The following CNTNAP5 variants were observed in gnomAD, a reference collection of about 807,000 sequenced individuals.
CNTNAP5 encodes the protein contactin associated protein family member 5.
CNTNAP5 carries 72 observed loss-of-function variants against 150.2 expected under a neutral mutation model. The observed-to-expected ratio is 0.48, with a 90% confidence interval of 0.40 to 0.58. The LOEUF (loss-of-function observed/expected upper bound fraction) is 0.58, where lower values mean the gene tolerates loss of function less well. Among genes scored for constraint, CNTNAP5 ranks in the 20% least tolerant of loss-of-function variants. The pLI is 0.00. For synonymous variants in CNTNAP5, 672 were observed against 619.8 expected, an observed-to-expected ratio of 1.08 and a Z score of -1.25; for missense variants, 1,636 against 1,626.2, an observed-to-expected ratio of 1.01 and a Z score of -0.10.
chr2:124,428,772 T>C (rs1692300148), intron 4 of CNTNAP5, among the ~76,000 whole-genome samples: 1 of 152,004 alleles, frequency 6.6e-6, no homozygotes, highest in Non-Finnish European at 1.5e-5. Context: ...AATGTGTGTA[T>C]ATTAGTTCCT....
chr2:124,355,095 T>G (rs923272790), intron 3 of CNTNAP5, among the ~76,000 whole-genome samples: 1 of 150,800 alleles, frequency 6.6e-6, no homozygotes, highest in Non-Finnish European at 1.5e-5. Flanking sequence ...ATAATATATT[T>G]AATATTTCTA....
At chr2:124,045,143 C>A (rs978162717) in intron 1 of CNTNAP5, among the ~76,000 whole-genome samples, 1 of 152,070 alleles carries the variant, frequency 6.6e-6, no homozygotes, top group Non-Finnish European at 1.5e-5. Flanking sequence ...ACTGTTTTCC[C>A]ACTTCAAGAT....
intron 18 of CNTNAP5, among the ~76,000 whole-genome samples, chr2:124,791,196 A>T (rs1681720392): frequency 6.6e-6 from 1 of 152,188 alleles, no homozygotes; most frequent in Non-Finnish European, 1.5e-5. Context: ...AAGGGAAAAA[A>T]AGCACTCACT....
intron 8 of CNTNAP5, among the ~76,000 whole-genome samples, chr2:124,521,375 G>C (rs1056784797): frequency 1.3e-5 from 2 of 152,014 alleles, no homozygotes; most frequent in Admixed American, 6.6e-5. Flanking sequence ...AGAAAGGGCA[G>C]ACCAAAAAAT....
chr2:124,906,781 T>A (rs1486375401), intron 22 of CNTNAP5, among the ~76,000 whole-genome samples: 1 of 152,162 alleles, frequency 6.6e-6, no homozygotes, highest in African/African-American at 2.4e-5. Context: ...CTTCCAGCAA[T>A]GTATTGCCCA....
chr2:124,750,982 CAAAAAA>C (rs745635606), intron 14 of CNTNAP5, among the ~76,000 whole-genome samples: 1 of 75,470 alleles, frequency 1.3e-5, no homozygotes, highest in African/African-American at 5.4e-5. Context: ...GACTCCATCT[CAAAAAA>C]AAAAAAAAAA....
At chr2:124,267,464 G>C (rs1172527322) in intron 3 of CNTNAP5, among the ~76,000 whole-genome samples, 1 of 152,038 alleles carries the variant, frequency 6.6e-6, no homozygotes, top group Non-Finnish European at 1.5e-5. Context: ...AAGCTGTCAG[G>C]ATTTCTTTGG....
intron 12 of CNTNAP5, among the ~76,000 whole-genome samples, chr2:124,633,607 C>G (rs1051784331): frequency 1.3e-5 from 2 of 152,094 alleles, no homozygotes; most frequent in African/African-American, 4.8e-5. Flanking sequence ...GGATGGTGGC[C>G]CTCTTCTCAT....
chr2:124,662,714 T>C (rs1430656467), intron 13 of CNTNAP5, among the ~76,000 whole-genome samples: 1 of 152,300 alleles, frequency 6.6e-6, no homozygotes, highest in African/African-American at 2.4e-5. Flanking sequence ...GTCCAAATAC[T>C]TTTGCTCTAT....
At chr2:124,311,987 C>T (rs182427505) in intron 3 of CNTNAP5, among the ~76,000 whole-genome samples, 140 of 152,190 alleles carry the variant, frequency 9.2e-4, no homozygotes, top group Admixed American at 3.6e-3. Flanking sequence ...TCCAGGGAAT[C>T]GTGAAATAAT....
intron 11 of CNTNAP5, among the ~76,000 whole-genome samples, chr2:124,571,743 G>C (rs774494285): frequency 2.6e-5 from 4 of 151,372 alleles, no homozygotes; most frequent in African/African-American, 9.7e-5. Flanking sequence ...TGTAGATCAG[G>C]CTGGTCTCGA....
intron 13 of CNTNAP5, among the ~76,000 whole-genome samples, chr2:124,649,121 G>A (rs922692515): frequency 2.6e-5 from 4 of 152,080 alleles, no homozygotes; most frequent in South Asian, 2.1e-4. Flanking sequence ...TGGATTACAC[G>A]CTTCCATGCC....
intron 18 of CNTNAP5, among the ~76,000 whole-genome samples, chr2:124,792,503 T>A (rs1317122557): frequency 1.3e-5 from 2 of 152,150 alleles, no homozygotes; most frequent in African/African-American, 4.8e-5. Flanking sequence ...TTTTGTGTAT[T>A]TTTTCTCTCT....
chr2:124,420,891 C>G (rs1692086895), intron 4 of CNTNAP5, among the ~76,000 whole-genome samples: 1 of 152,276 alleles, frequency 6.6e-6, no homozygotes, highest in South Asian at 2.1e-4. Flanking sequence ...TAGGGAAACT[C>G]TGACTAATAC....
At chr2:124,655,308 T>C (rs1573526225) in intron 13 of CNTNAP5, among the ~76,000 whole-genome samples, 2 of 152,252 alleles carry the variant, frequency 1.3e-5, no homozygotes, top group Admixed American at 1.3e-4. Flanking sequence ...TCCATGTCCC[T>C]GCAAAGGACA....
intron 19 of CNTNAP5, among the ~76,000 whole-genome samples, chr2:124,860,512 C>CTTCT (rs1677502206): frequency 1.6e-5 from 2 of 129,004 alleles, no homozygotes; most frequent in African/African-American, 6.3e-5. Context: ...TCTTTCCTTC[C>CTTCT]TTCCTTCCTT....
intron 13 of CNTNAP5, among the ~76,000 whole-genome samples, chr2:124,718,461 C>T (rs914945672): frequency 2.6e-5 from 4 of 151,986 alleles, no homozygotes; most frequent in African/African-American, 4.8e-5. Context: ...GTAAGTGTTT[C>T]GTGTTGTGTC....
chr2:124,570,022 T>G (rs1181542985), intron 11 of CNTNAP5, among the ~76,000 whole-genome samples: 1 of 152,150 alleles, frequency 6.6e-6, no homozygotes, highest in Non-Finnish European at 1.5e-5. Flanking sequence ...TAGGCTATTA[T>G]AGAAATGGTG....
At chr2:124,362,029 C>T (rs138934015) in intron 3 of CNTNAP5, among the ~76,000 whole-genome samples, 391 of 152,340 alleles carry the variant, frequency 2.6e-3, no homozygotes, top group African/African-American at 8.9e-3. Context: ...TTTTTTAAGC[C>T]GGTCCGAAAA....
Sources: allele counts gnomAD v4.1 joint callset (sites outside exome capture counted in the v4.1 genomes callset), GRCh38; gene constraint gnomAD v4.1.1; transcripts MANE v1.5; gene names NCBI Gene and HGNC (gene_info 2026-07-23, HGNC 2026-07-21).